The following SYT10 variants were observed in gnomAD, a reference collection of about 807,000 sequenced individuals.
SYT10 encodes synaptotagmin-10.
In SYT10, 31 loss-of-function variants were observed where a neutral mutation model predicts 51.1. The observed-to-expected ratio is 0.61, with a 90% CI of 0.46 to 0.82. SYT10 has a LOEUF of 0.82. Ranked by LOEUF, SYT10 falls within the 40% of genes least tolerant of loss-of-function variation. SYT10 has a pLI of 0.00. For synonymous variants in SYT10, 233 were observed against 225.9 expected (o/e 1.03, Z -0.28); for missense variants, 603 against 634.0 (o/e 0.95, Z 0.53).
intron 1 of SYT10, among the ~76,000 whole-genome samples, chr12:33,433,683 C>G (rs1866614737): frequency 6.6e-6 from 1 of 152,056 alleles, no homozygotes; most frequent in Admixed American, 6.6e-5. Context: ...AAAAACACTG[C>G]TTGTTATATT....
rs543545169 is a variant in SYT10 at position 33,376,696 on chromosome 12, T to TA, written c.*133dup. 1.2e-3 allele frequency: 1,125 copies of TA among 959,120 alleles called. 21 individuals carry two copies. In the South Asian group the frequency reaches 0.019, roughly 16 times the overall value. 59.4% of individuals were successfully genotyped at this position (959,120 alleles called of 1,614,324 possible). A position where few individuals can be genotyped will look rare whatever the true frequency, so the allele number is the denominator to read the frequency against. ...TTAAAAAATCAACAATAAAAGCAAA[T>TA]AAAAAAGTGCACATCAAGTTTGTTC... On this transcript the variant is annotated 3_prime_UTR_variant, in exon 7 of 7. Transcript: ENST00000228567.
chr12:33,404,217 G>C (rs1247786210), intron 3 of SYT10, among the ~76,000 whole-genome samples: 1 of 152,020 alleles, frequency 6.6e-6, no homozygotes, highest in Non-Finnish European at 1.5e-5. Flanking sequence ...GAGATGGGGA[G>C]ATTTTCCTAG....
intron 1 of SYT10, among the ~76,000 whole-genome samples, chr12:33,434,940 A>G (rs1034110388): frequency 6.6e-6 from 1 of 152,264 alleles, no homozygotes; most frequent in Non-Finnish European, 1.5e-5. Context: ...AATGTGTACA[A>G]CGTTAGTGGA....
At chr12:33,409,552 C>T (rs1178851445) in intron 2 of SYT10, among the ~76,000 whole-genome samples, 2 of 151,470 alleles carry the variant, frequency 1.3e-5, no homozygotes, top group African/African-American at 2.4e-5. Context: ...CTCACTCTGC[C>T]GCCCAGGCTG....
chr12:33,432,103 G>A (rs1420987879), intron 1 of SYT10, among the ~76,000 whole-genome samples: 1 of 152,020 alleles, frequency 6.6e-6, no homozygotes, highest in African/African-American at 2.4e-5. Flanking sequence ...TCCTATATTT[G>A]TGTCAGAGTG....
chr12:33,402,943 A>G (rs1866318926), intron 3 of SYT10, among the ~76,000 whole-genome samples: 1 of 152,138 alleles, frequency 6.6e-6, no homozygotes, highest in African/African-American at 2.4e-5. Context: ...CATGACATTT[A>G]CAACAATATG....
rs146031713 is a variant in SYT10, at chr12:33,407,009, C to A, written c.857G>T (p.Arg286Leu). 6.2e-7 allele frequency: 1 copy of A among 1,614,040 alleles called. No individual in the cohort carries two copies. The highest frequency in any genetic ancestry group is 1.1e-5 in the South Asian group (1 of 91,072). The change falls in exon 3 of 7, where the codon CGC (arginine) becomes CTC (leucine). Residue 286 changes from arginine to leucine, a missense_variant. Coordinates refer to ENST00000228567, the MANE Select transcript of SYT10 (RefSeq NM_198992.4). ...AGGATTTAAAGTCTTTCTGTGCACGCGGGTCTGAAATTTCTTTTTCCTATC... is the reference window on the plus strand; with the variant it reads ...AGGATTTAAAGTCTTTCTGTGCACGAGGGTCTGAAATTTCTTTTTCCTATC... ...LPDRKKKFQTRVHRKTLNPLF... is the reference protein window; with the variant it reads ...LPDRKKKFQTLVHRKTLNPLF...
chr12:33,413,806 A>C (rs1866429158), intron 2 of SYT10, among the ~76,000 whole-genome samples: 1 of 152,218 alleles, frequency 6.6e-6, no homozygotes, highest in Non-Finnish European at 1.5e-5. Flanking sequence ...TAACATCATA[A>C]TGACAGGATC....
intron 5 of SYT10, among the ~76,000 whole-genome samples, chr12:33,381,052 C>T (rs1866110294): frequency 6.6e-6 from 1 of 151,950 alleles, no homozygotes; most frequent in African/African-American, 2.4e-5. Flanking sequence ...TAAAATTGCC[C>T]CAGTGACAAA....
At chr12:33,412,464 A>C (rs1041254417) in intron 2 of SYT10, among the ~76,000 whole-genome samples, 6 of 152,064 alleles carry the variant, frequency 3.9e-5, no homozygotes, top group Non-Finnish European at 7.4e-5. Flanking sequence ...GTCTCACACA[A>C]ATATCCAACC....
chr12:33,380,749 TAGTA>T (rs1357462140), intron 5 of SYT10, among the ~76,000 whole-genome samples: 1 of 152,084 alleles, frequency 6.6e-6, no homozygotes, highest in East Asian at 1.9e-4. Context: ...TTTACACACT[TAGTA>T]AGAGGCAGAG....
rs1591977856 is a variant in SYT10 at position 33,375,198 on chromosome 12, C to A, written c.*1632G>T. 6.6e-6 allele frequency: 1 copy of A among 152,056 alleles called. No individual in the cohort carries two copies. Among genetic ancestry groups the A allele is most frequent in the Middle Eastern group, 3.4e-3 (1 of 294 alleles). 9.4% of individuals were successfully genotyped at this position (152,056 alleles called of 1,614,324 possible). ...GGTGGTATAAGCATTTTTGAAAAAT[C>A]TGAGGCAGAACTGTGTTTGCCTTTA... On this transcript the variant is annotated 3_prime_UTR_variant, in exon 7 of 7. Coordinates refer to ENST00000228567, the MANE Select transcript of SYT10 (RefSeq NM_198992.4).
intron 3 of SYT10, among the ~76,000 whole-genome samples, chr12:33,394,018 G>A (rs539034445): frequency 6.6e-6 from 1 of 152,282 alleles, no homozygotes; most frequent in African/African-American, 2.4e-5. Context: ...GGGTTGATGG[G>A]TGTAAGATCC....
intron 2 of SYT10, among the ~76,000 whole-genome samples, chr12:33,425,380 C>T (rs927845997): frequency 6.6e-6 from 1 of 151,958 alleles, no homozygotes; most frequent in African/African-American, 2.4e-5. Flanking sequence ...AAAAAAATGC[C>T]TCTTTATAGG....
chr12:33,393,509 T>C (rs753389910), intron 3 of SYT10, among the ~76,000 whole-genome samples: 17 of 152,334 alleles, frequency 1.1e-4, no homozygotes, highest in Non-Finnish European at 2.1e-4. Flanking sequence ...CCAGACTGGA[T>C]GAACTTGGCT....
At chr12:33,380,343 T>A (rs1407530436) in intron 5 of SYT10, among the ~76,000 whole-genome samples, 1 of 152,214 alleles carries the variant, frequency 6.6e-6, no homozygotes, top group Non-Finnish European at 1.5e-5. Context: ...CAAAGCTTAA[T>A]GTTTTATAAC....
At chr12:33,396,700 T>G (rs1866258912) in intron 3 of SYT10, among the ~76,000 whole-genome samples, 1 of 152,058 alleles carries the variant, frequency 6.6e-6, no homozygotes, top group Non-Finnish European at 1.5e-5. Context: ...TTTTTTTTTT[T>G]TTGAGATGGA....
chr12:33,383,708 G>A (rs1362182964), intron 4 of SYT10, among the ~76,000 whole-genome samples: 1 of 152,066 alleles, frequency 6.6e-6, no homozygotes, highest in African/African-American at 2.4e-5. Flanking sequence ...TTCCCGTCAC[G>A]TCTCTGACTA....
At chr12:33,432,679 G>C (rs1866606888) in intron 1 of SYT10, 1 of 152,022 alleles carries the variant, frequency 6.6e-6, no homozygotes. Context: ...ATACTGAAGA[G>C]AAAACAATAG....
Sources: allele counts gnomAD v4.1 joint callset (sites outside exome capture counted in the v4.1 genomes callset), GRCh38; gene constraint gnomAD v4.1.1; transcripts MANE v1.5; gene names NCBI Gene and HGNC (gene_info 2026-07-23, HGNC 2026-07-21).